Variants in FAM13A observed in about 807,000 individuals in gnomAD.
FAM13A encodes the protein family with sequence similarity 13 member A, also known as protein FAM13A.
Under a neutral mutation model 129.6 loss-of-function variants are expected in FAM13A, and 76 were observed. The observed-to-expected ratio is 0.59, with a 90% CI of 0.49 to 0.71. The LOEUF is 0.71. Ranked by LOEUF, FAM13A falls within the 30% of genes least tolerant of loss-of-function variation. FAM13A has a pLI of 0.00. For missense variants in FAM13A, 1,108 were observed against 1,249.3 expected (o/e 0.89, Z 1.70); for synonymous variants, 443 against 449.9 (o/e 0.98, Z 0.20).
intron 7 of FAM13A, among the ~76,000 whole-genome samples, chr4:88,826,757 C>G (rs918360831): frequency 1.3e-5 from 2 of 152,172 alleles, no homozygotes; most frequent in African/African-American, 4.8e-5. Flanking sequence ...TTATGACGTC[C>G]TCTTGGTTTA....
chr4:88,920,156 C>T (rs1028991429), intron 5 of FAM13A, among the ~76,000 whole-genome samples: 1 of 152,204 alleles, frequency 6.6e-6, no homozygotes, highest in Non-Finnish European at 1.5e-5. Flanking sequence ...GTAACCTCTG[C>T]AGACTTAAAT....
chr4:88,924,224 C>T (rs968956156), intron 5 of FAM13A, among the ~76,000 whole-genome samples: 1 of 151,938 alleles, frequency 6.6e-6, no homozygotes, highest in Non-Finnish European at 1.5e-5. Flanking sequence ...ATATGGAACC[C>T]AAAAAGAGCC....
intron 7 of FAM13A, among the ~76,000 whole-genome samples, chr4:88,831,867 C>T (rs1733934754): frequency 6.7e-6 from 1 of 149,514 alleles, no homozygotes; most frequent in Non-Finnish European, 1.5e-5. Flanking sequence ...CTAACACTGA[C>T]ATTCTTCACA....
intron 7 of FAM13A, among the ~76,000 whole-genome samples, chr4:88,835,202 G>A (rs148030134): frequency 6.6e-6 from 1 of 152,218 alleles, no homozygotes; most frequent in East Asian, 1.9e-4. Flanking sequence ...ATCGTGCCCT[G>A]CTTTCCCATC....
At chr4:89,039,405 A>C in intron 1 of FAM13A, among the ~76,000 whole-genome samples, 1 of 152,236 alleles carries the variant, frequency 6.6e-6, no homozygotes, top group Non-Finnish European at 1.5e-5. Flanking sequence ...AGGGAAACCT[A>C]ATGTAAAGTA....
intron 10 of FAM13A, among the ~76,000 whole-genome samples, chr4:88,783,362 C>T (rs545717332): frequency 3.9e-5 from 6 of 152,048 alleles, no homozygotes; most frequent in South Asian, 2.1e-4. Flanking sequence ...TACAGTGGTG[C>T]GATCTAGGCT....
At chr4:88,966,832 T>C (rs1412058397) in intron 4 of FAM13A, among the ~76,000 whole-genome samples, 1 of 152,210 alleles carries the variant, frequency 6.6e-6, no homozygotes, top group Non-Finnish European at 1.5e-5. Context: ...CTCCACTCAC[T>C]AAACTAGGAT....
At chr4:89,048,754 G>C (rs1038164388) in intron 1 of FAM13A, among the ~76,000 whole-genome samples, 1 of 152,022 alleles carries the variant, frequency 6.6e-6, no homozygotes, top group Non-Finnish European at 1.5e-5. Context: ...AATAATTCTA[G>C]ATGAAATAGA....
intron 21 of FAM13A, among the ~76,000 whole-genome samples, chr4:88,737,140 AAACAAAACCAAACAAAAAGCATTGTGGAC>A (rs1374244082): frequency 2.6e-5 from 4 of 152,350 alleles, no homozygotes; most frequent in East Asian, 1.9e-4. Context: ...CAAATACAGA[AAACAAAACCAAACAAAAAGCATTGTGGAC>A]AACAAAACCA....
chr4:88,984,175 A>G (rs1761962913), intron 4 of FAM13A, among the ~76,000 whole-genome samples: 1 of 152,310 alleles, frequency 6.6e-6, no homozygotes, highest in African/African-American at 2.4e-5. Context: ...ACCTAAACAT[A>G]ACAGTCATAA....
intron 3 of FAM13A, among the ~76,000 whole-genome samples, chr4:89,010,744 G>A (rs1173951403): frequency 2.0e-5 from 3 of 152,044 alleles, no homozygotes; most frequent in Non-Finnish European, 4.4e-5. Context: ...TGGTTCTGTG[G>A]ACCCCATCAA....
intron 3 of FAM13A, among the ~76,000 whole-genome samples, chr4:89,007,446 C>T (rs979005847): frequency 6.6e-6 from 1 of 152,172 alleles, no homozygotes; most frequent in East Asian, 1.9e-4. Flanking sequence ...TGTGAGTAAG[C>T]CACCTTGGAA....
intron 4 of FAM13A, among the ~76,000 whole-genome samples, chr4:88,974,952 A>G (rs1036629522): frequency 7.2e-5 from 11 of 152,310 alleles, no homozygotes; most frequent in African/African-American, 2.4e-4. Flanking sequence ...TTACATAAGG[A>G]GCCTTCTTCC....
chr4:88,953,825 T>A (rs1482400256), intron 4 of FAM13A, among the ~76,000 whole-genome samples: 1 of 152,230 alleles, frequency 6.6e-6, no homozygotes, highest in Non-Finnish European at 1.5e-5. Context: ...TGTATGTATA[T>A]ACCTAATTTG....
intron 2 of FAM13A, 41 bp from the exon 3 acceptor site, chr4:89,020,710 C>T: frequency 7.4e-7 from 1 of 1,342,784 alleles, no homozygotes; most frequent in Non-Finnish European, 1.1e-6. Flanking sequence ...ATAGGTTTCT[C>T]ACAGACATGA....
chr4:89,040,330 A>G (rs925263886), intron 1 of FAM13A, among the ~76,000 whole-genome samples: 12 of 152,198 alleles, frequency 7.9e-5, no homozygotes, highest in African/African-American at 2.9e-4. Flanking sequence ...TGCCCTTTCA[A>G]CTTTTATGAA....
intron 6 of FAM13A, among the ~76,000 whole-genome samples, chr4:88,896,023 A>G (rs1746245293): frequency 6.8e-6 from 1 of 147,694 alleles, no homozygotes; most frequent in African/African-American, 2.5e-5. Flanking sequence ...ACCAACCCAA[A>G]TGTCCAACAA....
At chr4:88,883,701 C>G (rs1271403605) in intron 6 of FAM13A, among the ~76,000 whole-genome samples, 1 of 151,808 alleles carries the variant, frequency 6.6e-6, no homozygotes, top group Non-Finnish European at 1.5e-5. Flanking sequence ...AACAAAAATA[C>G]AAAAGATAAA....
At chr4:88,818,006 CAG>C (rs1731114841) in intron 7 of FAM13A, among the ~76,000 whole-genome samples, 1 of 152,138 alleles carries the variant, frequency 6.6e-6, no homozygotes, top group Admixed American at 6.6e-5. Flanking sequence ...TTTCTTGAGA[CAG>C]AGTCTTCCAC....
Sources: allele counts gnomAD v4.1 joint callset (sites outside exome capture counted in the v4.1 genomes callset), GRCh38; gene constraint gnomAD v4.1.1; transcripts MANE v1.5; gene names NCBI Gene and HGNC (gene_info 2026-07-23, HGNC 2026-07-21).